Variants in DPYD observed in about 807,000 individuals in gnomAD.
DPYD encodes the protein dihydropyrimidine dehydrogenase [NADP(+)].
Under a neutral mutation model 116.2 loss-of-function variants are expected in DPYD, and 109 were observed. The observed-to-expected ratio is 0.94, with a 90% CI of 0.80 to 1.10. The LOEUF (loss-of-function observed/expected upper bound fraction) is 1.10, where lower values mean the gene tolerates loss of function less well. Among genes scored for constraint, DPYD ranks in the 50% least tolerant of loss-of-function variants. DPYD has a pLI of 0.00. For synonymous variants in DPYD, 440 were observed against 432.0 expected, an observed-to-expected ratio of 1.02 and a Z score of -0.23; for missense variants, 1,302 against 1,254.5, an observed-to-expected ratio of 1.04 and a Z score of -0.57.
At chr1:97,357,368 GTTT>G (rs202122806) in intron 16 of DPYD, among the ~76,000 whole-genome samples, 1 of 139,898 alleles carries the variant, frequency 7.1e-6, no homozygotes, top group Admixed American at 7.1e-5. Context: ...TTCTAACAGT[GTTT>G]TTTTTTTTTG....
intron 12 of DPYD, among the ~76,000 whole-genome samples, chr1:97,537,858 C>T (rs1650132320): frequency 6.6e-6 from 1 of 152,122 alleles, no homozygotes; most frequent in Non-Finnish European, 1.5e-5. Context: ...ATCTTGAATT[C>T]ATCATCATCT....
At chr1:97,195,606 GTA>G (rs1183304453) in intron 19 of DPYD, among the ~76,000 whole-genome samples, 11 of 85,782 alleles carry the variant, frequency 1.3e-4, no homozygotes, top group Admixed American at 2.4e-4. Context: ...GTGTGTGTGT[GTA>G]TATATATGTA....
intron 20 of DPYD, among the ~76,000 whole-genome samples, chr1:97,160,039 A>T (rs1388311469): frequency 6.6e-6 from 1 of 152,006 alleles, no homozygotes; most frequent in Non-Finnish European, 1.5e-5. Context: ...GGATACAATC[A>T]TCATTAGGAA....
chr1:97,224,753 G>A (rs1661002463), intron 19 of DPYD, among the ~76,000 whole-genome samples: 1 of 151,124 alleles, frequency 6.6e-6, no homozygotes. Context: ...ATATAAGAGA[G>A]ATCATACAAC....
chr1:97,592,789 A>C (rs1002387448), intron 10 of DPYD, among the ~76,000 whole-genome samples: 10 of 152,204 alleles, frequency 6.6e-5, no homozygotes, highest in South Asian at 2.1e-4. Context: ...AACTGACTGA[A>C]AGTATGACCA....
intron 1 of DPYD, among the ~76,000 whole-genome samples, chr1:97,916,253 T>C (rs1674205742): frequency 6.6e-6 from 1 of 152,176 alleles, no homozygotes; most frequent in African/African-American, 2.4e-5. Flanking sequence ...GTTACATATA[T>C]ATACATGTGC....
At chr1:97,355,388 T>C (rs1236074148) in intron 16 of DPYD, among the ~76,000 whole-genome samples, 2 of 152,182 alleles carry the variant, frequency 1.3e-5, no homozygotes, top group Non-Finnish European at 2.9e-5. Flanking sequence ...AAATACTTAC[T>C]TTTTGTGGTG....
At chr1:97,816,115 C>A (rs1668592815) in intron 3 of DPYD, among the ~76,000 whole-genome samples, 1 of 151,256 alleles carries the variant, frequency 6.6e-6, no homozygotes, top group Non-Finnish European at 1.5e-5. Flanking sequence ...GGCTAGAGTG[C>A]AATGGCTATT....
At chr1:97,317,751 C>T (rs1224045657) in intron 16 of DPYD, among the ~76,000 whole-genome samples, 1 of 151,904 alleles carries the variant, frequency 6.6e-6, no homozygotes, top group African/African-American at 2.4e-5. Context: ...CATGCTGATA[C>T]ATTTAGGATG....
intron 20 of DPYD, among the ~76,000 whole-genome samples, chr1:97,119,460 T>C (rs1413956571): frequency 1.3e-5 from 2 of 151,990 alleles, no homozygotes; most frequent in African/African-American, 4.8e-5. Context: ...GCAGTTAGGA[T>C]TGTGTGTCAT....
chr1:97,663,586 A>G (rs533724586), intron 8 of DPYD, among the ~76,000 whole-genome samples: 7 of 152,240 alleles, frequency 4.6e-5, no homozygotes, highest in African/African-American at 1.7e-4. Context: ...CTCTTCTCCA[A>G]ACCATTTTCA....
intron 20 of DPYD, among the ~76,000 whole-genome samples, chr1:97,174,343 C>G (rs1008571733): frequency 1.3e-5 from 2 of 152,164 alleles, no homozygotes; most frequent in African/African-American, 4.8e-5. Context: ...TAAGAAGCAG[C>G]TTCTCCTTTG....
intron 5 of DPYD, among the ~76,000 whole-genome samples, chr1:97,699,843 T>C (rs1661496481): frequency 6.6e-6 from 1 of 151,990 alleles, no homozygotes; most frequent in Non-Finnish European, 1.5e-5. Context: ...CAGCATAATC[T>C]GTATGTCTCT....
At chr1:97,631,324 A>G (rs566379323) in intron 8 of DPYD, among the ~76,000 whole-genome samples, 1 of 152,218 alleles carries the variant, frequency 6.6e-6, no homozygotes, top group African/African-American at 2.4e-5. Flanking sequence ...CTTAAAGCAT[A>G]GTTTATTTTC....
At chr1:97,745,618 T>C (rs959007662) in intron 3 of DPYD, among the ~76,000 whole-genome samples, 3 of 152,118 alleles carry the variant, frequency 2.0e-5, no homozygotes, top group Non-Finnish European at 4.4e-5. Context: ...TTTTTGCATA[T>C]TTTGAATTAA....
At chr1:97,907,494 T>A (rs1673696498) in intron 1 of DPYD, among the ~76,000 whole-genome samples, 1 of 152,086 alleles carries the variant, frequency 6.6e-6, no homozygotes, top group South Asian at 2.1e-4. Context: ...TTAGCTTAAG[T>A]TCACAAAGCT....
chr1:97,757,357 T>G (rs1486985548), intron 3 of DPYD, among the ~76,000 whole-genome samples: 2 of 151,966 alleles, frequency 1.3e-5, no homozygotes, highest in African/African-American at 2.4e-5. Context: ...GCAGAAGAGA[T>G]GTGCAAATAC....
intron 16 of DPYD, among the ~76,000 whole-genome samples, chr1:97,354,180 C>A (rs561149438): frequency 1.3e-5 from 2 of 152,320 alleles, no homozygotes; most frequent in South Asian, 2.1e-4. Flanking sequence ...GACATTAGGG[C>A]ATTTGTAATC....
chr1:97,469,031 A>G (rs1414345169), intron 13 of DPYD, among the ~76,000 whole-genome samples: 1 of 152,210 alleles, frequency 6.6e-6, no homozygotes, highest in Admixed American at 6.5e-5. Context: ...CTCCAAAATT[A>G]TCAGAGCTGG....
Sources: allele counts gnomAD v4.1 joint callset (sites outside exome capture counted in the v4.1 genomes callset), GRCh38; gene constraint gnomAD v4.1.1; transcripts MANE v1.5; gene names NCBI Gene and HGNC (gene_info 2026-07-23, HGNC 2026-07-21).